Variants in ERBB4 observed in about 807,000 individuals in gnomAD.
ERBB4 encodes receptor tyrosine-protein kinase erbB-4.
ERBB4 carries 42 observed loss-of-function variants against 158.0 expected under a neutral mutation model. That is an observed-to-expected ratio of 0.27 (90% confidence interval 0.21 to 0.34). ERBB4 has a LOEUF of 0.34. Ranked by LOEUF, ERBB4 falls within the 10% of genes least tolerant of loss-of-function variation. ERBB4 has a pLI of 1.00. For synonymous variants in ERBB4, 583 were observed against 558.7 expected, an observed-to-expected ratio of 1.04 and a Z score of -0.61; for missense variants, 1,333 against 1,624.1, an observed-to-expected ratio of 0.82 and a Z score of 3.08.
At chr2:211,878,126 A>C (rs910437076) in intron 3 of ERBB4, among the ~76,000 whole-genome samples, 30 of 152,114 alleles carry the variant, frequency 2.0e-4, no homozygotes, top group African/African-American at 7.0e-4. Context: ...CAAACAAACA[A>C]CAACAAAAAA....
rs538194100 is a variant in ERBB4 at position 212,508,569 on chromosome 2, C to T, written c.82+29880G>A. The stretch of plus-strand genomic sequence containing the variant: ...AGTTTCTCTATATACTTATGAAAAA[C>T]TTATATAAGAATCAACAGTTGAAAT... On this transcript the variant is annotated intron_variant, in intron 1 of 27. Transcript: ENST00000342788. Among the ~76,000 whole-genome samples, 5 of 151,814 alleles carry T rather than the reference C, an allele frequency of 3.3e-5. No individual in the cohort carries two copies. In the South Asian group the frequency reaches 1.0e-3, roughly 32 times the overall value.
intron 1 of ERBB4, among the ~76,000 whole-genome samples, chr2:212,473,028 T>C (rs2371577): frequency 8.8e-6 from 1 of 113,418 alleles, no homozygotes; most frequent in Non-Finnish European, 2.1e-5. Flanking sequence ...CACAAAGGTC[T>C]GTTTAAGAAA....
At chr2:211,646,291 A>G (rs1309712145) in intron 16 of ERBB4, among the ~76,000 whole-genome samples, 2 of 151,618 alleles carry the variant, frequency 1.3e-5, no homozygotes, top group East Asian at 3.9e-4. Flanking sequence ...TTAAAAATAT[A>G]TTTTAAAAAA....
At position 211,781,403 on chromosome 2, in the gene ERBB4, T is replaced by G. The variant is rs577555894; in HGVS notation, c.556+6622A>C. On this transcript the variant is annotated intron_variant, in intron 4 of 27. Coordinates refer to ENST00000342788, the MANE Select transcript of ERBB4 (RefSeq NM_005235.3). ...AATTTGCCAATTCCCCCTCTCCCAC[T>G]TCAGTTGTTAGTTGGTATTTGGTTC... Among the ~76,000 whole-genome samples the G allele has an allele frequency of 3.9e-4, 59 of 152,314 alleles. 1 individual carries two copies. Among genetic ancestry groups the G allele is most frequent in the Admixed American group, 2.6e-3 (40 of 15,304 alleles).
intron 2 of ERBB4, among the ~76,000 whole-genome samples, chr2:212,001,667 G>A (rs2076109033): frequency 6.6e-6 from 1 of 152,116 alleles, no homozygotes; most frequent in African/African-American, 2.4e-5. Flanking sequence ...TGTTTATTCT[G>A]CTCTGACAGA....
chr2:211,953,465 C>CAAAA (rs36024345), intron 2 of ERBB4, among the ~76,000 whole-genome samples: 126 of 85,206 alleles, frequency 1.5e-3, no homozygotes, highest in Middle Eastern at 6.9e-3. Flanking sequence ...GGTTTTTCTC[C>CAAAA]AAAAAAAAAA....
At chr2:211,827,626 A>C (rs1007969421) in intron 3 of ERBB4, among the ~76,000 whole-genome samples, 1 of 152,030 alleles carries the variant, frequency 6.6e-6, no homozygotes, top group African/African-American at 2.4e-5. Context: ...AAAAAACTTA[A>C]GTAAATTAAA....
intron 2 of ERBB4, among the ~76,000 whole-genome samples, chr2:212,045,679 C>T (rs1335524013): frequency 3.3e-5 from 5 of 152,092 alleles, no homozygotes; most frequent in African/African-American, 4.8e-5. Flanking sequence ...GTCAATAAGA[C>T]TTAAGGCTGA....
intron 2 of ERBB4, among the ~76,000 whole-genome samples, chr2:212,047,242 A>G (rs1575561567): frequency 6.6e-6 from 1 of 152,292 alleles, no homozygotes; most frequent in East Asian, 1.9e-4. Context: ...GTTAACTCAA[A>G]TATACATGAA....
intron 20 of ERBB4, among the ~76,000 whole-genome samples, chr2:211,559,016 C>T (rs1425865553): frequency 6.6e-6 from 1 of 152,018 alleles, no homozygotes; most frequent in Admixed American, 6.6e-5. Context: ...CATTAACATT[C>T]CCAGTTTCAT....
intron 1 of ERBB4, among the ~76,000 whole-genome samples, chr2:212,243,668 T>C (rs1379607532): frequency 6.6e-6 from 1 of 152,144 alleles, no homozygotes; most frequent in Non-Finnish European, 1.5e-5. Context: ...ACTGTAATAG[T>C]TGCTCTGAAT....
chr2:212,425,433 T>G (rs1313362582), intron 1 of ERBB4, among the ~76,000 whole-genome samples: 1 of 149,912 alleles, frequency 6.7e-6, no homozygotes, highest in Non-Finnish European at 1.5e-5. Context: ...TATGTATCCT[T>G]ATATATTTAT....
chr2:212,060,962 T>C (rs2077744820), intron 2 of ERBB4, among the ~76,000 whole-genome samples: 1 of 136,328 alleles, frequency 7.3e-6, no homozygotes, highest in African/African-American at 2.9e-5. Context: ...AGTATGATAA[T>C]AAATAAATAA....
At chr2:211,585,849 A>G (rs2068259098) in intron 19 of ERBB4, among the ~76,000 whole-genome samples, 1 of 152,158 alleles carries the variant, frequency 6.6e-6, no homozygotes. Flanking sequence ...AATAAAGAGG[A>G]GATAATTAAA....
chr2:212,447,691 C>T (rs189433687), intron 1 of ERBB4, among the ~76,000 whole-genome samples: 1 of 152,172 alleles, frequency 6.6e-6, no homozygotes, highest in East Asian at 1.9e-4. Flanking sequence ...TTCTAATACA[C>T]ATTCCAGTAT....
chr2:211,578,661 T>C (rs541514770), intron 19 of ERBB4, among the ~76,000 whole-genome samples: 2 of 152,010 alleles, frequency 1.3e-5, no homozygotes, highest in East Asian at 3.9e-4. Flanking sequence ...ATGTCTACAG[T>C]CATCTGATTT....
intron 2 of ERBB4, among the ~76,000 whole-genome samples, chr2:212,096,028 A>G (rs115994515): frequency 0.013 from 2,025 of 152,072 alleles, 22 homozygotes; most frequent in Middle Eastern, 0.027. Flanking sequence ...GCTATTTTCT[A>G]TATGTTCTAA....
intron 2 of ERBB4, among the ~76,000 whole-genome samples, chr2:212,074,249 G>A (rs1410315435): frequency 1.3e-5 from 2 of 151,974 alleles, no homozygotes; most frequent in African/African-American, 2.4e-5. Context: ...GGTGGCAAAT[G>A]CCAATTGTAT....
chr2:212,167,327 C>T (rs1214236013), intron 1 of ERBB4, among the ~76,000 whole-genome samples: 1 of 152,008 alleles, frequency 6.6e-6, no homozygotes, highest in African/African-American at 2.4e-5. Context: ...GGCCAACAAA[C>T]ATATGAAAAA....
Sources: gnomAD v4.1 joint callset for allele counts (sites outside exome capture counted in the v4.1 genomes callset) on GRCh38, gnomAD v4.1.1 for gene constraint, MANE v1.5 for transcripts, NCBI Gene and HGNC (gene_info 2026-07-23, HGNC 2026-07-21) for gene names.